Variants in MAML2 observed in about 807,000 individuals in gnomAD.
The protein encoded by MAML2 is mastermind like transcriptional coactivator 2, also known as mastermind-like protein 2.
A neutral mutation model predicts 96.1 loss-of-function variants in MAML2; 22 were observed. The ratio of observed to expected loss-of-function variants is 0.23; its 90% CI spans 0.16 to 0.33. MAML2 has a LOEUF of 0.33. Ranked by LOEUF, MAML2 falls within the 10% of genes least tolerant of loss-of-function variation. The pLI, the probability that MAML2 is intolerant of heterozygous loss-of-function variation, is 1.00. For missense variants in MAML2, 1,367 were observed against 1,392.4 expected (o/e 0.98, Z 0.29); for synonymous variants, 561 against 521.3 (o/e 1.08, Z -1.04).
At chr11:96,160,837 A>T (rs1861091874) in intron 1 of MAML2, among the ~76,000 whole-genome samples, 1 of 150,688 alleles carries the variant, frequency 6.6e-6, no homozygotes, top group Non-Finnish European at 1.5e-5. Flanking sequence ...CTTGCTACAC[A>T]GTATGTCCTC....
chr11:96,204,452 A>G (rs546641), intron 1 of MAML2, among the ~76,000 whole-genome samples: 120,094 of 152,026 alleles, frequency 0.79, 47,655 homozygotes, highest in Non-Finnish European at 0.82. Flanking sequence ...TGTTGTGAAA[A>G]CAAAGAGGGT....
chr11:96,134,719 A>G (rs1318464837), intron 1 of MAML2, among the ~76,000 whole-genome samples: 1 of 152,250 alleles, frequency 6.6e-6, no homozygotes, highest in Non-Finnish European at 1.5e-5. Flanking sequence ...GCATGTTTCA[A>G]CTAATCCAGC....
chr11:96,243,646 CTTCT>C (rs1214172728), intron 1 of MAML2, among the ~76,000 whole-genome samples: 2 of 140,006 alleles, frequency 1.4e-5, no homozygotes, highest in Non-Finnish European at 3.1e-5. Context: ...AACAGTCATC[CTTCT>C]TTTTCTTTTT....
intron 1 of MAML2, among the ~76,000 whole-genome samples, chr11:96,193,170 A>C (rs7931253): frequency 0.27 from 40,933 of 151,898 alleles, 5,782 homozygotes; most frequent in Non-Finnish European, 0.32. Context: ...AGTTTGAGAC[A>C]AGCCTGACCA....
At chr11:96,290,088 T>C (rs1863189161) in intron 1 of MAML2, among the ~76,000 whole-genome samples, 1 of 152,184 alleles carries the variant, frequency 6.6e-6, no homozygotes, top group Non-Finnish European at 1.5e-5. Flanking sequence ...TTTGGACAAT[T>C]TCTTCTTAAT....
chr11:96,034,450 A>AGTGT, intron 2 of MAML2, among the ~76,000 whole-genome samples: 1 of 142,414 alleles, frequency 7.0e-6, no homozygotes, highest in Non-Finnish European at 1.5e-5. Context: ...AGAGAGAGAG[A>AGTGT]GAGAGAGTGT....
chr11:96,222,591 C>T (rs1862156836), intron 1 of MAML2, among the ~76,000 whole-genome samples: 1 of 152,236 alleles, frequency 6.6e-6, no homozygotes, highest in African/African-American at 2.4e-5. Flanking sequence ...AATGAGATAT[C>T]ATTTCCCAGG....
chr11:96,298,538 G>A (rs1052892878), intron 1 of MAML2, among the ~76,000 whole-genome samples: 1 of 152,032 alleles, frequency 6.6e-6, no homozygotes, highest in African/African-American at 2.4e-5. Flanking sequence ...CATGAGACAA[G>A]GCCATTTGCT....
intron 2 of MAML2, among the ~76,000 whole-genome samples, chr11:96,022,769 CA>C (rs1196477693): frequency 2.0e-5 from 3 of 152,202 alleles, no homozygotes; most frequent in African/African-American, 7.2e-5. Context: ...ACTGGGATCT[CA>C]CTCACAAGGA....
At chr11:96,015,300 G>C (rs1858328083) in intron 2 of MAML2, among the ~76,000 whole-genome samples, 1 of 152,068 alleles carries the variant, frequency 6.6e-6, no homozygotes, top group Non-Finnish European at 1.5e-5. Flanking sequence ...TTTGATATAG[G>C]AGTAATATGA....
At chr11:96,086,916 T>C (rs974904140) in intron 2 of MAML2, among the ~76,000 whole-genome samples, 2 of 152,162 alleles carry the variant, frequency 1.3e-5, no homozygotes, top group African/African-American at 4.8e-5. Flanking sequence ...TGATTTTGCC[T>C]GGGACTGTAG....
intron 1 of MAML2, among the ~76,000 whole-genome samples, chr11:96,204,758 A>T (rs2135933637): frequency 6.6e-6 from 1 of 152,370 alleles, no homozygotes; most frequent in Middle Eastern, 3.4e-3. Flanking sequence ...AGTAGCAGAG[A>T]GAGAGGACAA....
At chr11:96,125,770 G>C (rs1211297285) in intron 1 of MAML2, among the ~76,000 whole-genome samples, 1 of 152,160 alleles carries the variant, frequency 6.6e-6, no homozygotes, top group Non-Finnish European at 1.5e-5. Flanking sequence ...CCCTTTCCTT[G>C]TCATAATCCA....
chr11:96,227,313 G>T (rs1171234514), intron 1 of MAML2, among the ~76,000 whole-genome samples: 1 of 152,096 alleles, frequency 6.6e-6, no homozygotes, highest in East Asian at 1.9e-4. Context: ...TAATCCTGTA[G>T]TGATCCATTC....
intron 2 of MAML2, among the ~76,000 whole-genome samples, chr11:96,042,171 T>TTTTA (rs1281474874): frequency 3.3e-5 from 5 of 151,922 alleles, no homozygotes; most frequent in Non-Finnish European, 5.9e-5. Flanking sequence ...AGAGACGAGG[T>TTTTA]TTTACCGTGT....
At chr11:96,041,664 A>T (rs1858813212) in intron 2 of MAML2, among the ~76,000 whole-genome samples, 1 of 152,178 alleles carries the variant, frequency 6.6e-6, no homozygotes, top group Admixed American at 6.5e-5. Flanking sequence ...AGGAACCTCC[A>T]TCAGGCAAGA....
At chr11:96,072,642 A>G (rs910822770) in intron 2 of MAML2, among the ~76,000 whole-genome samples, 2 of 152,180 alleles carry the variant, frequency 1.3e-5, no homozygotes, top group African/African-American at 4.8e-5. Context: ...AGTCCCCTCA[A>G]CTTGAAAGAG....
At chr11:96,006,814 C>A (rs1416725181) in intron 2 of MAML2, among the ~76,000 whole-genome samples, 3 of 150,808 alleles carry the variant, frequency 2.0e-5, no homozygotes, top group African/African-American at 7.3e-5. Context: ...CCTGCCTCGG[C>A]CTCCCAAAGC....
chr11:96,058,541 G>A (rs925900964), intron 2 of MAML2, among the ~76,000 whole-genome samples: 18 of 151,996 alleles, frequency 1.2e-4, no homozygotes, highest in Non-Finnish European at 2.4e-4. Context: ...GGCTGGTCTC[G>A]AACTCCTGAC....
Sources: allele counts gnomAD v4.1 joint callset (sites outside exome capture counted in the v4.1 genomes callset), GRCh38; gene constraint gnomAD v4.1.1; transcripts MANE v1.5; gene names NCBI Gene and HGNC (gene_info 2026-07-23, HGNC 2026-07-21).